Variants in CERS6 observed in about 807,000 individuals in gnomAD.
CERS6 encodes LAG1 homolog, ceramide synthase 6.
CERS6 carries 26 observed loss-of-function variants against 56.8 expected under a neutral mutation model. The observed-to-expected ratio is 0.46, with a 90% CI of 0.34 to 0.63. The LOEUF (loss-of-function observed/expected upper bound fraction) is 0.63, where lower values mean the gene tolerates loss of function less well. Among genes scored for constraint, CERS6 ranks in the 30% least tolerant of loss-of-function variants. The pLI is 0.01. For missense variants in CERS6, 415 were observed against 467.5 expected, an observed-to-expected ratio of 0.89 and a Z score of 1.04; for synonymous variants, 164 against 173.3, an observed-to-expected ratio of 0.95 and a Z score of 0.42.
At chr2:168,586,558 G>A (rs1267784269) in intron 3 of CERS6, among the ~76,000 whole-genome samples, 3 of 152,094 alleles carry the variant, frequency 2.0e-5, no homozygotes, top group Non-Finnish European at 4.4e-5. Flanking sequence ...TGTGTTTATT[G>A]GAAATATTTT....
chr2:168,633,173 TA>T (rs56657294), intron 4 of CERS6, among the ~76,000 whole-genome samples: 1 of 150,584 alleles, frequency 6.6e-6, no homozygotes, highest in Non-Finnish European at 1.5e-5. Flanking sequence ...TTTTTTTTTT[TA>T]ATAAAAAAAA....
Position 168,770,590 on chromosome 2 carries a change from AAAAG to A in CERS6, c.*935_*938del, listed in dbSNP as rs758932859. 1.3e-5 allele frequency: 2 copies of A among 152,660 alleles called. No individual in the cohort carries two copies. The highest frequency in any genetic ancestry group is 2.9e-5 in the Non-Finnish European group (2 of 68,048). The allele number at this position is 152,660 out of a possible 1,614,324, so 9.5% of individuals were successfully genotyped here. On this transcript the variant is annotated 3_prime_UTR_variant, in exon 10 of 10. Coordinates refer to ENST00000305747, the MANE Select transcript of CERS6 (RefSeq NM_203463.3). ...TATAATTAGTGCAGTCTTATGTTAT[AAAAG>A]AAAGAAGTTAACTATATTTGGGGAC... is the stretch of plus-strand genomic sequence containing the variant.
chr2:168,640,463 TG>T (rs1684963042), intron 4 of CERS6, among the ~76,000 whole-genome samples: 1 of 152,228 alleles, frequency 6.6e-6, no homozygotes, highest in African/African-American at 2.4e-5. Flanking sequence ...AAGAATCTGT[TG>T]AGCACCCATC....
chr2:168,643,917 A>G (rs552538311), intron 4 of CERS6, among the ~76,000 whole-genome samples: 1 of 152,260 alleles, frequency 6.6e-6, no homozygotes, highest in South Asian at 2.1e-4. Flanking sequence ...TAAGATGTGG[A>G]TATCTTTGGG....
rs145825325 is a variant in CERS6, at chr2:168,478,285, A to G, written c.170+21667A>G. ...TTTGGTCACTGTACTCAGTGTCCCA[A>G]AAGCCAGGTCCTCTGTGATTCAACC... On this transcript the variant is annotated intron_variant, in intron 1 of 9. Transcript: ENST00000305747. Among the ~76,000 whole-genome samples, 425 of 152,248 alleles carry G rather than the reference A, an allele frequency of 2.8e-3. 5 individuals carry two copies. The highest frequency in any genetic ancestry group is 0.02 in the Admixed American group (302 of 15,284).
At chr2:168,591,148 C>T (rs978167565) in intron 3 of CERS6, among the ~76,000 whole-genome samples, 2 of 152,124 alleles carry the variant, frequency 1.3e-5, no homozygotes, top group African/African-American at 4.8e-5. Context: ...TGTATATTTT[C>T]CCCCTGTATT....
At chr2:168,747,674 A>G (rs1684147786) in intron 8 of CERS6, among the ~76,000 whole-genome samples, 2 of 152,058 alleles carry the variant, frequency 1.3e-5, no homozygotes, top group Admixed American at 1.3e-4. Context: ...TTTTATGTAT[A>G]TTTGATCATA....
chr2:168,690,386 T>C (rs968945388), intron 4 of CERS6, among the ~76,000 whole-genome samples: 5 of 152,192 alleles, frequency 3.3e-5, no homozygotes, highest in African/African-American at 1.2e-4. Context: ...TCCCTGATTA[T>C]TACAAATGTT....
intron 1 of CERS6, among the ~76,000 whole-genome samples, chr2:168,459,741 G>A (rs969715981): frequency 1.3e-5 from 2 of 151,932 alleles, no homozygotes; most frequent in Non-Finnish European, 2.9e-5. Flanking sequence ...TAATAATATA[G>A]CATTGTCATC....
intron 3 of CERS6, among the ~76,000 whole-genome samples, chr2:168,588,151 C>T (rs1000620326): frequency 1.3e-5 from 2 of 151,390 alleles, no homozygotes; most frequent in African/African-American, 4.9e-5. Flanking sequence ...ACCTCCTGGC[C>T]TTAAGTATTC....
At chr2:168,745,806 G>T (rs1211193734) in intron 8 of CERS6, among the ~76,000 whole-genome samples, 1 of 152,196 alleles carries the variant, frequency 6.6e-6, no homozygotes, top group African/African-American at 2.4e-5. Flanking sequence ...GCTTCAGGGA[G>T]AGTGGGCGTC....
chr2:168,542,170 C>G (rs1282256005), intron 1 of CERS6, among the ~76,000 whole-genome samples: 1 of 151,802 alleles, frequency 6.6e-6, no homozygotes, highest in South Asian at 2.1e-4. Flanking sequence ...TTGTGAAATC[C>G]ATTAGCTCAT....
At position 168,701,835 on chromosome 2, in the gene CERS6, G is replaced by A. The variant is rs530678011; in HGVS notation, c.609+6784G>A. Among the ~76,000 whole-genome samples, 4 of 151,986 alleles carry A rather than the reference G, an allele frequency of 2.6e-5. No individual in the cohort carries two copies. The South Asian group carries it at 6.2e-4, about 24-fold the overall frequency. ...TGCCTGGGCAACATAGCAAGACCCT[G>A]TTGCTAAAAAATAAAATAAAAATAA... is the stretch of plus-strand genomic sequence containing the variant. On this transcript the variant is annotated intron_variant, in intron 6 of 9. Coordinates refer to ENST00000305747, the MANE Select transcript of CERS6 (RefSeq NM_203463.3).
chr2:168,699,011 G>A (rs1290675653), intron 6 of CERS6, among the ~76,000 whole-genome samples: 2 of 152,156 alleles, frequency 1.3e-5, no homozygotes, highest in Non-Finnish European at 2.9e-5. Flanking sequence ...CCGCTACCAG[G>A]CATGCTTACT....
chr2:168,534,393 C>T (rs1695221214), intron 1 of CERS6, among the ~76,000 whole-genome samples: 1 of 140,234 alleles, frequency 7.1e-6, no homozygotes, highest in Non-Finnish European at 1.5e-5. Context: ...CCCTTGGATG[C>T]GGTTTTTGTG....
chr2:168,680,306 C>T (rs1221446949), intron 4 of CERS6, among the ~76,000 whole-genome samples: 3 of 152,124 alleles, frequency 2.0e-5, no homozygotes, highest in African/African-American at 7.2e-5. Flanking sequence ...AATCCAGGCA[C>T]GGGCATCTCA....
chr2:168,554,528 G>A (rs1004809532), intron 2 of CERS6, among the ~76,000 whole-genome samples: 1 of 152,146 alleles, frequency 6.6e-6, no homozygotes, highest in African/African-American at 2.4e-5. Flanking sequence ...AAGAAACACA[G>A]GGAAAAGACA....
At chr2:168,671,368 A>C (rs1401640128) in intron 4 of CERS6, among the ~76,000 whole-genome samples, 1 of 152,174 alleles carries the variant, frequency 6.6e-6, no homozygotes, top group East Asian at 1.9e-4. Flanking sequence ...GGCGTCATTT[A>C]AATAAATATA....
intron 1 of CERS6, among the ~76,000 whole-genome samples, chr2:168,460,732 A>G (rs1381690096): frequency 6.6e-6 from 1 of 152,222 alleles, no homozygotes; most frequent in African/African-American, 2.4e-5. Context: ...TGACTGGGTA[A>G]GAATGAGAAG....
Sources: gnomAD v4.1 joint callset for allele counts (sites outside exome capture counted in the v4.1 genomes callset) on GRCh38, gnomAD v4.1.1 for gene constraint, MANE v1.5 for transcripts, NCBI Gene and HGNC (gene_info 2026-07-23, HGNC 2026-07-21) for gene names.